The following FBXO36 variants were observed in gnomAD, a reference collection of about 807,000 sequenced individuals.
FBXO36 encodes F-box only protein 36.
In FBXO36, 18 loss-of-function variants were observed where a neutral mutation model predicts 17.0. The ratio of observed to expected loss-of-function variants is 1.06; its 90% CI spans 0.73 to 1.57. The LOEUF (loss-of-function observed/expected upper bound fraction) is 1.57, where lower values mean the gene tolerates loss of function less well. FBXO36 is among the 40% of genes most tolerant of loss of function. The pLI, the probability that FBXO36 is intolerant of heterozygous loss-of-function variation, is 0.00. For synonymous variants in FBXO36, 83 were observed against 85.3 expected, an observed-to-expected ratio of 0.97 and a Z score of 0.15; for missense variants, 229 against 221.9, an observed-to-expected ratio of 1.03 and a Z score of -0.20.
chr2:230,000,198 A>C (rs2077350812), intron 3 of FBXO36, among the ~76,000 whole-genome samples: 1 of 151,906 alleles, frequency 6.6e-6, no homozygotes, highest in African/African-American at 2.4e-5. Context: ...TCTCAACTAA[A>C]AATACAAAAA....
At chr2:229,953,520 TA>T (rs1041767215) in intron 1 of FBXO36, among the ~76,000 whole-genome samples, 61 of 142,792 alleles carry the variant, frequency 4.3e-4, no homozygotes, top group Middle Eastern at 3.5e-3. Flanking sequence ...TACCAAAAAT[TA>T]AAAAAAAAAA....
At chr2:229,982,028 G>GC (rs1560449440) in intron 2 of FBXO36, among the ~76,000 whole-genome samples, 1 of 144,466 alleles carries the variant, frequency 6.9e-6, no homozygotes, top group Non-Finnish European at 1.5e-5. Context: ...TTTTGTTTTT[G>GC]TTTTTTTTTT....
intron 2 of FBXO36, among the ~76,000 whole-genome samples, chr2:229,978,710 T>A (rs1461695636): frequency 6.6e-6 from 1 of 151,964 alleles, no homozygotes; most frequent in Non-Finnish European, 1.5e-5. Flanking sequence ...TTTATTGTTA[T>A]AACATCCTTG....
At chr2:229,946,150 C>T (rs1167725331) in intron 1 of FBXO36, among the ~76,000 whole-genome samples, 5 of 152,044 alleles carry the variant, frequency 3.3e-5, no homozygotes, top group Non-Finnish European at 4.4e-5. Context: ...GTACCTGAGA[C>T]CATAGGACTG....
intron 1 of FBXO36, among the ~76,000 whole-genome samples, chr2:229,963,656 G>C (rs1027388422): frequency 1.1e-4 from 17 of 151,794 alleles, no homozygotes; most frequent in Non-Finnish European, 2.1e-4. Context: ...GTGTTAACCA[G>C]GATGGTCTCG....
rs1182508707 is a variant in FBXO36 at position 229,976,281 on chromosome 2, A to G, written c.137A>G (p.Tyr46Cys). The G allele has an allele frequency of 1.7e-5, 28 of 1,613,616 alleles. No homozygotes were observed. Among genetic ancestry groups the G allele is most frequent in the Non-Finnish European group, 2.3e-5 (27 of 1,179,788 alleles). The change falls in exon 2 of 4, where the codon TAT becomes TGT. Residue 46 changes from tyrosine to cysteine, a missense_variant. By Grantham distance (194) the Tyr-to-Cys change is radical. Transcript: ENST00000283946. ...TGGAAGATCTCTCTAAGGAGTGAGTATCGATCAACAAAACCTGGAGAAGCA... is the reference window on the plus strand; with the variant it reads ...TGGAAGATCTCTCTAAGGAGTGAGTGTCGATCAACAAAACCTGGAGAAGCA... Reference protein sequence around the residue: ...RWWKISLRSEYRSTKPGEAKE... With the variant: ...RWWKISLRSECRSTKPGEAKE...
At chr2:229,981,057 A>G (rs1158038975) in intron 2 of FBXO36, among the ~76,000 whole-genome samples, 1 of 152,156 alleles carries the variant, frequency 6.6e-6, no homozygotes, top group African/African-American at 2.4e-5. Context: ...GGGACTCAGT[A>G]AGCTGGCGTT....
At chr2:230,009,885 G>T (rs913693780) in intron 3 of FBXO36, among the ~76,000 whole-genome samples, 13 of 152,174 alleles carry the variant, frequency 8.5e-5, no homozygotes, top group Admixed American at 5.9e-4. Flanking sequence ...GGCGGAGGTT[G>T]CAGTGAGCCG....
At position 229,922,560 on chromosome 2, in the gene FBXO36, G is replaced by C. The variant is rs1354424549; in HGVS notation, c.47G>C (p.Gly16Ala). The change falls in exon 1 of 4, where the codon GGC becomes GCC. Residue 16 changes from glycine (G) to alanine (A), a missense_variant. Physicochemically the swap from Gly to Ala is moderately conservative, Grantham distance 60. Coordinates refer to ENST00000283946, the MANE Select transcript of FBXO36 (RefSeq NM_174899.5). ...PETLFETVGQGPPPSKDYYQL... is the reference protein window; with the variant it reads ...PETLFETVGQAPPPSKDYYQL... ...ACTCTCTTTGAAACTGTAGGACAAG[G>C]CCCGCCGCCTAGCAAAGACTATTAC... 1.9e-6 allele frequency: 3 copies of C among 1,613,964 alleles called. No homozygotes were observed. Among genetic ancestry groups the C allele is most frequent in the Non-Finnish European group, 2.5e-6 (3 of 1,180,016 alleles).
chr2:229,939,960 G>A (rs1052810926), intron 1 of FBXO36, among the ~76,000 whole-genome samples: 2 of 152,094 alleles, frequency 1.3e-5, no homozygotes, highest in African/African-American at 2.4e-5. Flanking sequence ...GCGCAGGCCC[G>A]TAGTCCCAGC....
intron 1 of FBXO36, among the ~76,000 whole-genome samples, chr2:229,954,044 T>C (rs1252850337): frequency 6.6e-6 from 1 of 151,844 alleles, no homozygotes; most frequent in Admixed American, 6.6e-5. Flanking sequence ...TATTTATTTT[T>C]GTAGAGACGG....
At chr2:229,946,940 G>C (rs1488337486) in intron 1 of FBXO36, among the ~76,000 whole-genome samples, 3 of 152,176 alleles carry the variant, frequency 2.0e-5, no homozygotes, top group African/African-American at 4.8e-5. Context: ...GCTGAGGCTA[G>C]TGGATCACCT....
intron 1 of FBXO36, among the ~76,000 whole-genome samples, chr2:229,922,907 G>A (rs1303582868): frequency 6.6e-6 from 1 of 152,222 alleles, no homozygotes; most frequent in Non-Finnish European, 1.5e-5. Flanking sequence ...CGCGCGAAGA[G>A]GAAAACGGGC....
chr2:229,952,703 C>A (rs2077063468), intron 1 of FBXO36, among the ~76,000 whole-genome samples: 1 of 152,174 alleles, frequency 6.6e-6, no homozygotes, highest in Non-Finnish European at 1.5e-5. Context: ...CAGCCTCCTG[C>A]AGTACTCAGG....
chr2:229,973,200 C>T (rs1321351163), intron 1 of FBXO36: 1 of 142,508 alleles, frequency 7.0e-6, no homozygotes, highest in Non-Finnish European at 1.6e-5. Flanking sequence ...ACACTCCTCT[C>T]AACGATTTTT....
chr2:229,957,116 T>A (rs187268229), intron 1 of FBXO36, among the ~76,000 whole-genome samples: 1 of 152,200 alleles, frequency 6.6e-6, no homozygotes, highest in Admixed American at 6.5e-5. Flanking sequence ...AATTTTAGAA[T>A]ATTTAATTCC....
At position 230,012,784 on chromosome 2, in the gene FBXO36, T is replaced by G. The variant is rs2077422271; in HGVS notation, c.*1900T>G. The G allele has an allele frequency of 6.6e-6, 1 of 151,776 alleles. No individual in the cohort carries two copies. The highest frequency in any genetic ancestry group is 1.5e-5 in the Non-Finnish European group (1 of 67,892). 9.4% of individuals were successfully genotyped at this position (151,776 alleles called of 1,614,324 possible). Reference sequence around the variant, plus strand: ...TCATAAATATGTAACTGTAACTTATTGGTAACATCAGTGCAAGATGATTAA... The same window carrying G: ...TCATAAATATGTAACTGTAACTTATGGGTAACATCAGTGCAAGATGATTAA... On this transcript the variant is annotated 3_prime_UTR_variant, in exon 4 of 4. Coordinates refer to ENST00000283946, the MANE Select transcript of FBXO36 (RefSeq NM_174899.5).
intron 2 of FBXO36, among the ~76,000 whole-genome samples, chr2:229,985,726 C>T (rs1167947612): frequency 6.6e-6 from 1 of 152,136 alleles, no homozygotes; most frequent in Non-Finnish European, 1.5e-5. Context: ...TGAAATAATG[C>T]ACATAGTAAA....
rs180717842 is a variant in FBXO36, at chr2:229,999,696, T to C, written c.378+2773T>C. On this transcript the variant is annotated intron_variant, in intron 3 of 3. Transcript: ENST00000283946. ...CTGTCCAAATATATATATGTATATA[T>C]ATGTATTTTTTAACTTATATTTTGG... Among the ~76,000 whole-genome samples the C allele has an allele frequency of 5.6e-3, 854 of 151,910 alleles. 9 individuals are homozygous for C. Among genetic ancestry groups the C allele is most frequent in the African/African-American group, 0.02 (819 of 41,436 alleles).
Sources: gnomAD v4.1 joint callset for allele counts (sites outside exome capture counted in the v4.1 genomes callset) on GRCh38, gnomAD v4.1.1 for gene constraint, MANE v1.5 for transcripts, NCBI Gene and HGNC (gene_info 2026-07-23, HGNC 2026-07-21) for gene names.